The following CRTAC1 variants were observed in gnomAD, a reference collection of about 807,000 sequenced individuals.
The protein encoded by CRTAC1 is acidic secreted protein in cartilage.
CRTAC1 carries 37 observed loss-of-function variants against 67.8 expected under a neutral mutation model. The ratio of observed to expected loss-of-function variants is 0.55; its 90% CI spans 0.42 to 0.72. CRTAC1 has a LOEUF of 0.72. Among genes scored for constraint, CRTAC1 ranks in the 30% least tolerant of loss-of-function variants. CRTAC1 has a pLI of 0.00. For synonymous variants in CRTAC1, 348 were observed against 371.0 expected, an observed-to-expected ratio of 0.94 and a Z score of 0.71; for missense variants, 780 against 931.6, an observed-to-expected ratio of 0.84 and a Z score of 2.12.
At chr10:97,898,724 G>A (rs1175857861) in intron 8 of CRTAC1, among the ~76,000 whole-genome samples, 12 of 152,102 alleles carry the variant, frequency 7.9e-5, no homozygotes, top group Admixed American at 7.2e-4. Context: ...GAGAGCAGCT[G>A]GGGGAGGTGC....
rs1160907655 is a variant in CRTAC1 at position 98,029,309 on chromosome 10, T to G, written c.24+1140A>C. 6.6e-6 allele frequency among the ~76,000 whole-genome samples: 1 copy of G among 152,090 alleles called. No homozygotes were observed. The highest frequency in any genetic ancestry group is 1.5e-5 in the Non-Finnish European group (1 of 68,004). The stretch of plus-strand genomic sequence containing the variant: ...GTTCTCCCCTGACTCAAGAAAACAC[T>G]ATAGAACTGTCCCCTGTCCTGGGAC... On this transcript the variant is annotated intron_variant, in intron 1 of 14. Coordinates refer to ENST00000370597, the MANE Select transcript of CRTAC1 (RefSeq NM_018058.7). This position sits in a 1 kb window ranked among gnomAD's most constrained non-coding sequence, Gnocchi z 4.7.
At position 97,999,281 on chromosome 10, in the gene CRTAC1, TG is replaced by T. The variant is rs1842643638; in HGVS notation, c.224+11856del. 2.0e-5 allele frequency among the ~76,000 whole-genome samples: 3 copies of T among 152,326 alleles called. No homozygotes were observed. In the South Asian group the frequency reaches 6.2e-4, roughly 32 times the overall value. Reference sequence around the variant, plus strand: ...GCAGACCTAGGCATCCCTGCACTCTTGGGGGCCTGGGAAGGCCCCCTTGCCC... The same window carrying T: ...GCAGACCTAGGCATCCCTGCACTCTTGGGGCCTGGGAAGGCCCCCTTGCCC... On this transcript the variant is annotated intron_variant, in intron 2 of 14. Coordinates refer to ENST00000370597, the MANE Select transcript of CRTAC1 (RefSeq NM_018058.7).
At chr10:97,867,935 G>C (rs1056498335) in intron 14 of CRTAC1, 7 of 152,262 alleles carry the variant, frequency 4.6e-5, no homozygotes, top group African/African-American at 1.7e-4. Flanking sequence ...AATCTTTGGG[G>C]CACTTGTAGC....
At chr10:98,015,349 G>A (rs1172520358) in intron 1 of CRTAC1, among the ~76,000 whole-genome samples, 1 of 152,136 alleles carries the variant, frequency 6.6e-6, no homozygotes, top group Non-Finnish European at 1.5e-5. Context: ...GCTGGGTATA[G>A]GGGGAAATGG....
chr10:97,982,861 C>T (rs2051916017), intron 2 of CRTAC1, among the ~76,000 whole-genome samples: 1 of 152,102 alleles, frequency 6.6e-6, no homozygotes, highest in Admixed American at 6.5e-5. Context: ...AAAGTTGTTG[C>T]CTATGGAAAG....
At chr10:97,918,491 C>T (rs2050790304) in intron 4 of CRTAC1, among the ~76,000 whole-genome samples, 1 of 152,206 alleles carries the variant, frequency 6.6e-6, no homozygotes, top group Non-Finnish European at 1.5e-5. Context: ...TTCTCTCATC[C>T]TTTTCATCAC....
At chr10:98,028,788 T>A (rs1245809824) in intron 1 of CRTAC1, among the ~76,000 whole-genome samples, 1 of 152,166 alleles carries the variant, frequency 6.6e-6, no homozygotes, top group African/African-American at 2.4e-5. Flanking sequence ...TATAGATTGA[T>A]AGCACCCATA....
chr10:98,025,933 G>T (rs917375676), intron 1 of CRTAC1, among the ~76,000 whole-genome samples: 2 of 152,234 alleles, frequency 1.3e-5, no homozygotes, highest in African/African-American at 4.8e-5. Context: ...ACCCTGAGGT[G>T]GGGCAGGGAA....
intron 2 of CRTAC1, among the ~76,000 whole-genome samples, chr10:97,988,295 A>G (rs1239513982): frequency 1.3e-5 from 2 of 152,272 alleles, no homozygotes; most frequent in Non-Finnish European, 2.9e-5. Context: ...AGTTTCTTCT[A>G]TTGCAATCAA....
intron 2 of CRTAC1, among the ~76,000 whole-genome samples, chr10:97,983,750 C>A (rs1399009564): frequency 1.3e-5 from 2 of 152,192 alleles, no homozygotes; most frequent in Non-Finnish European, 2.9e-5. Flanking sequence ...TTCCTCTGGC[C>A]TATGTGTGTG....
At chr10:97,937,214 T>C (rs1263825716) in intron 2 of CRTAC1, among the ~76,000 whole-genome samples, 1 of 152,210 alleles carries the variant, frequency 6.6e-6, no homozygotes, top group African/African-American at 2.4e-5. Context: ...GGCACTTTCT[T>C]GCCTCAGGGA....
intron 2 of CRTAC1, among the ~76,000 whole-genome samples, chr10:97,970,139 C>A (rs1352987254): frequency 6.6e-6 from 1 of 152,222 alleles, no homozygotes; most frequent in East Asian, 1.9e-4. Flanking sequence ...CCTCTCCCAT[C>A]CCATACCCAA....
intron 11 of CRTAC1, among the ~76,000 whole-genome samples, chr10:97,894,740 A>ATATAT (rs2050429073): frequency 2.5e-5 from 1 of 39,632 alleles, no homozygotes; most frequent in Non-Finnish European, 5.3e-5. Context: ...ATATATATAT[A>ATATAT]TATATATATA....
chr10:98,015,321 G>A (rs1431463533), intron 1 of CRTAC1, among the ~76,000 whole-genome samples: 5 of 152,180 alleles, frequency 3.3e-5, no homozygotes. Context: ...GTAGAAAGCA[G>A]AATGGTGGTT....
At chr10:97,951,536 T>G (rs1213632768) in intron 2 of CRTAC1, among the ~76,000 whole-genome samples, 1 of 152,204 alleles carries the variant, frequency 6.6e-6, no homozygotes, top group African/African-American at 2.4e-5. Context: ...TTGGAGAGAA[T>G]GTGCCTTAAA....
chr10:97,865,754 C>T (rs891213589), intron 14 of CRTAC1, 40 bp from the exon 15 acceptor site: 2 of 1,532,336 alleles, frequency 1.3e-6, no homozygotes, highest in East Asian at 2.3e-5. Flanking sequence ...GCCTTGCAGA[C>T]CTGCGGCGGC....
chr10:97,977,805 C>G (rs527826772), intron 2 of CRTAC1, among the ~76,000 whole-genome samples: 59 of 152,266 alleles, frequency 3.9e-4, no homozygotes, highest in African/African-American at 1.4e-3. Context: ...GAGTACCTCA[C>G]GAGTGTAAAT....
intron 3 of CRTAC1, among the ~76,000 whole-genome samples, chr10:97,932,448 A>T (rs993954111): frequency 6.6e-6 from 1 of 152,200 alleles, no homozygotes; most frequent in Non-Finnish European, 1.5e-5. Flanking sequence ...CTAGTAGGAG[A>T]GATGGACAAC....
intron 4 of CRTAC1, among the ~76,000 whole-genome samples, chr10:97,919,458 A>C (rs1235375010): frequency 1.3e-5 from 2 of 152,248 alleles, no homozygotes; most frequent in Non-Finnish European, 2.9e-5. Flanking sequence ...GGAATATAAA[A>C]TGCAAGGCAG....
Sources: allele counts gnomAD v4.1 joint callset (sites outside exome capture counted in the v4.1 genomes callset), GRCh38; gene constraint gnomAD v4.1.1; non-coding constraint Gnocchi (gnomAD v3.1); transcripts MANE v1.5; gene names NCBI Gene and HGNC (gene_info 2026-07-23, HGNC 2026-07-21).